The following STK39 variants were observed in gnomAD, a reference collection of about 807,000 sequenced individuals.
The protein encoded by STK39 is STE20/SPS1-related proline-alanine-rich protein kinase.
In STK39, 20 loss-of-function variants were observed where a neutral mutation model predicts 77.8. That is an observed-to-expected ratio of 0.26 (90% CI 0.18 to 0.37). The LOEUF (loss-of-function observed/expected upper bound fraction) is 0.37, where lower values mean the gene tolerates loss of function less well. STK39 is among the 10% of genes least tolerant of loss of function. The pLI, the probability that STK39 is intolerant of heterozygous loss-of-function variation, is 1.00. For synonymous variants in STK39, 246 were observed against 234.1 expected (o/e 1.05, Z -0.47); for missense variants, 479 against 656.5 (o/e 0.73, Z 2.95).
At chr2:168,057,797 A>G (rs956365601) in intron 14 of STK39, among the ~76,000 whole-genome samples, 1 of 152,110 alleles carries the variant, frequency 6.6e-6, no homozygotes, top group Non-Finnish European at 1.5e-5. Context: ...CTTCCAGGCA[A>G]GGTACAGTCT....
At chr2:168,230,176 T>A (rs1465504631) in intron 1 of STK39, among the ~76,000 whole-genome samples, 1 of 152,188 alleles carries the variant, frequency 6.6e-6, no homozygotes, top group African/African-American at 2.4e-5. Context: ...TGTATATATA[T>A]CCCTCTGCCA....
chr2:168,026,275 C>T (rs2105332658), intron 14 of STK39, among the ~76,000 whole-genome samples: 1 of 152,232 alleles, frequency 6.6e-6, no homozygotes, highest in African/African-American at 2.4e-5. Context: ...AGGTGTATTC[C>T]CCTCTCTTGG....
intron 10 of STK39, among the ~76,000 whole-genome samples, chr2:168,118,983 C>T (rs1041886168): frequency 1.1e-4 from 17 of 152,162 alleles, no homozygotes; most frequent in Non-Finnish European, 8.8e-5. Context: ...CCTGTAACAG[C>T]CCCAGTGAAA....
chr2:168,185,713 G>A (rs1205836915), intron 1 of STK39, among the ~76,000 whole-genome samples: 2 of 152,192 alleles, frequency 1.3e-5, no homozygotes, highest in Non-Finnish European at 2.9e-5. Context: ...GTCAAATGCA[G>A]TTTCAACAGT....
At chr2:168,143,721 A>T (rs993152066) in intron 5 of STK39, among the ~76,000 whole-genome samples, 8 of 152,150 alleles carry the variant, frequency 5.3e-5, no homozygotes, top group African/African-American at 1.9e-4. Flanking sequence ...TCAAAAAAAA[A>T]AAAAAGTCTT....
intron 14 of STK39, among the ~76,000 whole-genome samples, chr2:168,019,440 CA>C (rs1472281610): frequency 7.9e-5 from 12 of 152,166 alleles, no homozygotes; most frequent in Admixed American, 2.6e-4. Flanking sequence ...AAACATACTG[CA>C]TAGATGGTTC....
chr2:167,987,804 G>A (rs188824939), intron 16 of STK39, among the ~76,000 whole-genome samples: 6 of 152,298 alleles, frequency 3.9e-5, no homozygotes, highest in Admixed American at 3.3e-4. Flanking sequence ...TGAGTTGACA[G>A]TTCCTCATTT....
intron 14 of STK39, among the ~76,000 whole-genome samples, chr2:168,018,538 AAAAGAAAGAAAGAAAGAAAGAAAG>A (rs60121657): frequency 2.9e-4 from 25 of 85,490 alleles, no homozygotes; most frequent in East Asian, 2.1e-3. Flanking sequence ...GAAAAGAAAG[AAAAGAAAGAAAGAAAGAAAGAAAG>A]AAAGAAAGAA....
At chr2:167,977,635 T>C (rs1294267900) in intron 16 of STK39, among the ~76,000 whole-genome samples, 6 of 152,042 alleles carry the variant, frequency 3.9e-5, no homozygotes, top group African/African-American at 1.4e-4. Flanking sequence ...AAAAGTACTT[T>C]GTTTCTTTGA....
At chr2:168,219,508 T>C (rs1220628192) in intron 1 of STK39, among the ~76,000 whole-genome samples, 3 of 152,240 alleles carry the variant, frequency 2.0e-5, no homozygotes, top group East Asian at 1.9e-4. Flanking sequence ...TACTAAATCA[T>C]AGAGAGTTGT....
chr2:168,017,995 A>C (rs1684458147), intron 14 of STK39, among the ~76,000 whole-genome samples: 1 of 152,220 alleles, frequency 6.6e-6, no homozygotes. Context: ...AAAAATATAC[A>C]TGTATATGCA....
At chr2:168,120,912 T>TAACTTTGCC (rs1262562312) in intron 10 of STK39, among the ~76,000 whole-genome samples, 4 of 152,186 alleles carry the variant, frequency 2.6e-5, no homozygotes, top group Non-Finnish European at 5.9e-5. Flanking sequence ...CTACACTTGC[T>TAACTTTGCC]AGAACCCTGG....
intron 14 of STK39, among the ~76,000 whole-genome samples, chr2:168,035,444 C>A (rs1343195860): frequency 6.6e-6 from 1 of 152,104 alleles, no homozygotes; most frequent in Non-Finnish European, 1.5e-5. Context: ...ACAAAAATAA[C>A]ATAAGTAAAA....
chr2:168,001,004 G>T (rs187180296), intron 16 of STK39, among the ~76,000 whole-genome samples: 4 of 152,282 alleles, frequency 2.6e-5, no homozygotes, highest in African/African-American at 7.2e-5. Flanking sequence ...CTCTTTACTT[G>T]TGTCAGAAGG....
chr2:168,056,405 A>G (rs1316998291), intron 14 of STK39, among the ~76,000 whole-genome samples: 1 of 152,142 alleles, frequency 6.6e-6, no homozygotes, highest in Non-Finnish European at 1.5e-5. Flanking sequence ...ATAAAATGCT[A>G]TGTCAAAAAG....
intron 12 of STK39, among the ~76,000 whole-genome samples, chr2:168,066,480 G>A (rs1685798481): frequency 6.6e-6 from 1 of 152,184 alleles, no homozygotes; most frequent in South Asian, 2.1e-4. Context: ...CAGAGGCTCT[G>A]GGCCTACTTC....
At chr2:168,197,636 T>A (rs1327115232) in intron 1 of STK39, among the ~76,000 whole-genome samples, 1 of 152,214 alleles carries the variant, frequency 6.6e-6, no homozygotes, top group Non-Finnish European at 1.5e-5. Context: ...ATGTTACGTA[T>A]AACTAAAAAA....
intron 5 of STK39, among the ~76,000 whole-genome samples, chr2:168,143,985 C>T (rs749675992): frequency 4.0e-4 from 61 of 152,334 alleles, no homozygotes; most frequent in Admixed American, 1.4e-3. Flanking sequence ...GTTAATGACA[C>T]AGCATCTCCG....
chr2:167,964,616 A>G (rs200818874), intron 17 of STK39, 46 bp downstream of exon 17: 3 of 1,516,924 alleles, frequency 2.0e-6, no homozygotes, highest in Admixed American at 1.7e-5. Flanking sequence ...CTGCTGGCAC[A>G]GCATGGCAAA....
Sources: gnomAD v4.1 joint callset for allele counts (sites outside exome capture counted in the v4.1 genomes callset) on GRCh38, gnomAD v4.1.1 for gene constraint, MANE v1.5 for transcripts, NCBI Gene and HGNC (gene_info 2026-07-23, HGNC 2026-07-21) for gene names.